TTLL7: variants seen among roughly 807,000 people sequenced by gnomAD.
TTLL7 encodes the protein tubulin tyrosine ligase like 7.
In TTLL7, 53 loss-of-function variants were observed where a neutral mutation model predicts 120.2. The ratio of observed to expected loss-of-function variants is 0.44; its 90% confidence interval spans 0.35 to 0.55. The LOEUF (loss-of-function observed/expected upper bound fraction) is 0.55. Among genes scored for constraint, TTLL7 ranks in the 20% least tolerant of loss-of-function variants. The pLI, the probability that TTLL7 is intolerant of heterozygous loss-of-function variation, is 0.00. For synonymous variants in TTLL7, 353 were observed against 351.7 expected (o/e 1.00, Z -0.04); for missense variants, 803 against 1,054.7 (o/e 0.76, Z 3.31).
chr1:83,980,333 T>C (rs995307235), intron 1 of TTLL7: 1 of 152,194 alleles, frequency 6.6e-6, no homozygotes, highest in Non-Finnish European at 1.5e-5. Context: ...GGCACAATCA[T>C]AGCTCACTGC....
At chr1:83,975,480 T>G (rs939100317) in intron 1 of TTLL7, among the ~76,000 whole-genome samples, 1 of 152,070 alleles carries the variant, frequency 6.6e-6, no homozygotes, top group African/African-American at 2.4e-5. Context: ...CAGATCTGTT[T>G]GATTCTCAGA....
intron 20 of TTLL7, among the ~76,000 whole-genome samples, chr1:83,875,354 T>C (rs1653836434): frequency 6.6e-6 from 1 of 152,000 alleles, no homozygotes; most frequent in East Asian, 1.9e-4. Flanking sequence ...CATCTTGCTA[T>C]ATGTGTAGGT....
intron 1 of TTLL7, among the ~76,000 whole-genome samples, chr1:83,986,630 A>C (rs553557249): frequency 1.3e-5 from 2 of 152,330 alleles, no homozygotes; most frequent in East Asian, 3.9e-4. Flanking sequence ...GTATCACCTG[A>C]GGTCAGGAGT....
intron 1 of TTLL7, chr1:83,981,103 A>T (rs919115848): frequency 6.6e-6 from 1 of 152,084 alleles, no homozygotes; most frequent in Non-Finnish European, 1.5e-5. Flanking sequence ...AAAGAAATAG[A>T]AAAATGAGAA....
chr1:83,900,242 C>T, intron 18 of TTLL7: 1 of 394,136 alleles, frequency 2.5e-6, no homozygotes, highest in South Asian at 1.9e-5. Flanking sequence ...GCTACTGAGT[C>T]TAGAATTAAA....
At position 83,919,731 on chromosome 1, in the gene TTLL7, G is replaced by A. The variant is rs776185260; in HGVS notation, c.1468C>T (p.Arg490Ter). The A allele has an allele frequency of 3.1e-6, 5 of 1,611,912 alleles. No individual in the cohort carries two copies. The highest frequency in any genetic ancestry group is 1.7e-5 in the Admixed American group (1 of 59,854). ...CTTTTCAAAGGATTATTCAACTCTC[G>A]CTGGAATGAAGCTGCTCTTCCTGAA... ...FLSGRAASFQ[R>*]ELNNPLKRMK... The change falls in exon 13 of 21, where the codon CGA (arginine) becomes TGA (stop). Residue 490 changes from arginine (R) to a stop codon, truncating the protein, a stop_gained. Transcript: ENST00000260505. LOFTEE classifies it high-confidence loss of function.
At position 83,897,754 on chromosome 1, in the gene TTLL7, C is replaced by T. The variant is rs141608278; in HGVS notation, c.2208+6325G>A. Among the ~76,000 whole-genome samples, 730 of 151,924 alleles carry T rather than the reference C, an allele frequency of 4.8e-3. 4 individuals carry two copies. Among genetic ancestry groups the T allele is most frequent in the Middle Eastern group, 0.024 (7 of 294 alleles). Reference sequence around the variant, plus strand: ...CCACTAAAGTCTGAGGTTCTTCCTACCCAGTCCTCCTCCCTTGCATTCACT... The same window carrying T: ...CCACTAAAGTCTGAGGTTCTTCCTATCCAGTCCTCCTCCCTTGCATTCACT... On this transcript the variant is annotated intron_variant, in intron 18 of 20. Transcript: ENST00000260505.
At chr1:83,939,862 T>A (rs995191946) in intron 7 of TTLL7, among the ~76,000 whole-genome samples, 2 of 152,164 alleles carry the variant, frequency 1.3e-5, no homozygotes, top group African/African-American at 4.8e-5. Flanking sequence ...AAATATGTAG[T>A]AAGCTGCCGT....
At chr1:83,908,980 G>A (rs1310481240) in intron 15 of TTLL7, among the ~76,000 whole-genome samples, 1 of 151,036 alleles carries the variant, frequency 6.6e-6, no homozygotes, top group Non-Finnish European at 1.5e-5. Context: ...ACCTGAAACT[G>A]TCACCACTTT....
At chr1:83,952,533 C>T (rs1030068818) in intron 1 of TTLL7, 146 bp from the exon 2 acceptor site, 27 of 254,724 alleles carry the variant, frequency 1.1e-4, no homozygotes, top group African/African-American at 2.9e-4. Context: ...TTAAACCTTA[C>T]GCAAAATGCC....
At chr1:83,907,233 A>G (rs1034079866) in intron 16 of TTLL7, among the ~76,000 whole-genome samples, 2 of 152,162 alleles carry the variant, frequency 1.3e-5, no homozygotes, top group African/African-American at 2.4e-5. Flanking sequence ...AAATAATGCT[A>G]TTCTCAGTGC....
chr1:83,884,153 A>G (rs1264208238), intron 19 of TTLL7, among the ~76,000 whole-genome samples: 3 of 149,580 alleles, frequency 2.0e-5, no homozygotes, highest in East Asian at 1.9e-4. Flanking sequence ...AGAGAGAGAG[A>G]GAGGGAGAGA....
At chr1:83,886,875 C>T (rs1655016893) in intron 19 of TTLL7, among the ~76,000 whole-genome samples, 1 of 151,976 alleles carries the variant, frequency 6.6e-6, no homozygotes, top group Non-Finnish European at 1.5e-5. Context: ...TCCCATAGAA[C>T]CTCAGACTTC....
chr1:83,927,907 G>T (rs184777134), intron 10 of TTLL7, among the ~76,000 whole-genome samples: 214 of 152,248 alleles, frequency 1.4e-3, no homozygotes, highest in Non-Finnish European at 9.6e-4. Context: ...CCCAGCTGGA[G>T]GAAGAAGGCA....
intron 6 of TTLL7, among the ~76,000 whole-genome samples, chr1:83,944,948 T>C (rs986224442): frequency 6.6e-6 from 1 of 152,172 alleles, no homozygotes; most frequent in Admixed American, 6.5e-5. Context: ...TGGATTATTA[T>C]AAATTAAGAC....
chr1:83,892,891 GAA>G (rs1463415424), intron 18 of TTLL7, among the ~76,000 whole-genome samples: 8 of 103,380 alleles, frequency 7.7e-5, no homozygotes, highest in Admixed American at 2.0e-4. Context: ...CAAAAAGAGA[GAA>G]AGAGAAAGAA....
chr1:83,948,631 G>A lies in TTLL7; in HGVS notation c.344C>T (p.Thr115Ile), dbSNP rs1439907214. ...ATTACAAGAAAATAAAGATTACTTG[G>A]TCATATTTCTTGCTAAGAAATCCTT... ...CRKDFLARNM[T>I]KMIKSRPLDY... is the part of the protein sequence containing the mutation. Residue 115 changes from threonine (T) to isoleucine (I), a missense_variant, in exon 5 of 21, where the codon ACC becomes ATC. By Grantham distance (89) the Thr-to-Ile change is moderately conservative. Coordinates refer to ENST00000260505, the MANE Select transcript of TTLL7 (RefSeq NM_024686.6). The A allele has an allele frequency of 6.2e-7, 1 of 1,604,424 alleles. No individual in the cohort carries two copies. The highest frequency in any genetic ancestry group is 8.5e-7 in the Non-Finnish European group (1 of 1,171,976).
At chr1:83,949,175 G>A (rs1451512307) in intron 4 of TTLL7, 1 of 152,672 alleles carries the variant, frequency 6.5e-6, no homozygotes, top group Non-Finnish European at 1.5e-5. Context: ...ATATAAGTTT[G>A]TATTATGTTC....
At chr1:83,992,803 T>TC (rs531879947) in intron 1 of TTLL7, among the ~76,000 whole-genome samples, 47 of 150,096 alleles carry the variant, frequency 3.1e-4, no homozygotes, top group Non-Finnish European at 6.2e-4. Flanking sequence ...TTTTTTTTTT[T>TC]TTTTTTTTGG....
Sources: gnomAD v4.1 joint callset for allele counts (sites outside exome capture counted in the v4.1 genomes callset) on GRCh38, gnomAD v4.1.1 for gene constraint, MANE v1.5 for transcripts, NCBI Gene and HGNC (gene_info 2026-07-23, HGNC 2026-07-21) for gene names.